The following ZNF114 variants were observed in gnomAD, a reference collection of about 807,000 sequenced individuals.
The protein encoded by ZNF114 is zinc finger protein 114 (Y18).
A neutral mutation model predicts 6.8 loss-of-function variants in ZNF114; 8 were observed. The observed-to-expected ratio is 1.18, with a 90% confidence interval of 0.69 to 2.13. ZNF114 has a LOEUF of 2.13. ZNF114 is among the 30% of genes most tolerant of loss of function. ZNF114 has a pLI of 0.00. For synonymous variants in ZNF114, 169 were observed against 185.5 expected (o/e 0.91, Z 0.72); for missense variants, 472 against 519.5 (o/e 0.91, Z 0.89).
chr19:48,282,804 C>G (rs1187509979), intron 5 of ZNF114, among the ~76,000 whole-genome samples: 2 of 152,092 alleles, frequency 1.3e-5, no homozygotes, highest in South Asian at 2.1e-4. Context: ...CTTCCACCCC[C>G]CAGGTTCATG....
At position 48,281,319 on chromosome 19, in the gene ZNF114, G is replaced by A. The variant is rs1232063195; in HGVS notation, c.10-1052G>A. On this transcript the variant is annotated intron_variant, in intron 4 of 5. Transcript: ENST00000595607. ...GCTGGAAGTCCGAGATCAAAATAGCGGCAGAGTTGCTTCCTTCTGGAGGCT... is the reference window on the plus strand; with the variant it reads ...GCTGGAAGTCCGAGATCAAAATAGCAGCAGAGTTGCTTCCTTCTGGAGGCT... Among the ~76,000 whole-genome samples the A allele has an allele frequency of 5.3e-5, 8 of 151,930 alleles. No homozygotes were observed. The East Asian group carries it at 1.5e-3, about 29-fold the overall frequency.
intron 4 of ZNF114, chr19:48,282,032 A>C (rs1010314109): frequency 9.1e-6 from 2 of 219,920 alleles, no homozygotes; most frequent in African/African-American, 2.4e-5. Context: ...AGTAGCTGGG[A>C]CTAAAGGCAC....
intron 3 of ZNF114, among the ~76,000 whole-genome samples, chr19:48,275,333 C>G (rs1020963704): frequency 6.6e-6 from 1 of 151,472 alleles, no homozygotes; most frequent in Non-Finnish European, 1.5e-5. Flanking sequence ...AATCCCAGCA[C>G]TTTGGGAGGC....
chr19:48,277,541 T>G (rs781375074), intron 3 of ZNF114, among the ~76,000 whole-genome samples: 2 of 152,136 alleles, frequency 1.3e-5, no homozygotes, highest in Non-Finnish European at 1.5e-5. Flanking sequence ...GCAGGTATTT[T>G]TAGTGTTCAG....
intron 3 of ZNF114, among the ~76,000 whole-genome samples, chr19:48,272,589 G>A (rs1230797152): frequency 1.4e-5 from 2 of 138,862 alleles, no homozygotes; most frequent in Admixed American, 7.6e-5. Flanking sequence ...CAGGAGAATC[G>A]CTTCTACCTG....
At chr19:48,276,263 G>T (rs975892646) in intron 3 of ZNF114, among the ~76,000 whole-genome samples, 1 of 151,588 alleles carries the variant, frequency 6.6e-6, no homozygotes, top group Non-Finnish European at 1.5e-5. Context: ...ATTTTTAGTA[G>T]AGACGGGGTT....
intron 4 of ZNF114, among the ~76,000 whole-genome samples, chr19:48,280,333 G>A (rs544200994): frequency 2.0e-5 from 3 of 152,144 alleles, no homozygotes; most frequent in East Asian, 1.9e-4. Flanking sequence ...ACAATGAGGA[G>A]TGATCACTCC....
chr19:48,281,914 T>G (rs1421785460), intron 4 of ZNF114, among the ~76,000 whole-genome samples: 1 of 144,246 alleles, frequency 6.9e-6, no homozygotes, highest in Non-Finnish European at 1.5e-5. Flanking sequence ...TTTTTTTTTT[T>G]TTGAGACAGT....
At chr19:48,285,698 C>T in intron 5 of ZNF114, 63 bp from the exon 6 acceptor site, 1 of 1,519,060 alleles carries the variant, frequency 6.6e-7, no homozygotes, top group Non-Finnish European at 8.8e-7. Context: ...TTGCCTATGT[C>T]ATCATCTCTA....
rs747700741 is a variant in ZNF114 at position 48,286,289 on chromosome 19, A to T, written c.665A>T (p.Gln222Leu). 1 of 1,614,238 alleles carries T rather than the reference A, an allele frequency of 6.2e-7. No individual in the cohort carries two copies. Among genetic ancestry groups the T allele is most frequent in the Non-Finnish European group, 8.5e-7 (1 of 1,180,042 alleles). The change falls in exon 6 of 6, where the codon CAG becomes CTG. Residue 222 changes from glutamine to leucine, a missense_variant. Transcript: ENST00000595607. Reference sequence around the variant, plus strand: ...ATTGATACGGGGGCCAACAGGCACCAGCGGAATCCATTTGGAAAAGCTTTC... The same window carrying T: ...ATTGATACGGGGGCCAACAGGCACCTGCGGAATCCATTTGGAAAAGCTTTC... ...DEIDTGANRH[Q>L]RNPFGKAFRE... is the part of the protein sequence containing the mutation.
intron 3 of ZNF114, among the ~76,000 whole-genome samples, chr19:48,276,896 C>T (rs940697970): frequency 7.2e-5 from 11 of 152,168 alleles, no homozygotes; most frequent in Non-Finnish European, 7.4e-5. Context: ...TGGTGGCTCA[C>T]GCCTGTAATC....
chr19:48,270,090 CTT>C lies in ZNF114; in HGVS notation c.-503_-502del, dbSNP rs1335556712. On this transcript the variant is annotated 5_prime_UTR_variant, in exon 1 of 6. Coordinates refer to ENST00000595607, the MANE Select transcript of ZNF114 (RefSeq NM_153608.4). ...TCTCCTATCTCCCTTCGCTGACTCT[CTT>C]TTCCAACTCAGCCCACTTGCACCCA... 6.5e-6 allele frequency: 1 copy of C among 152,902 alleles called. No homozygotes were observed. Among genetic ancestry groups the C allele is most frequent in the African/African-American group, 2.4e-5 (1 of 41,440 alleles). The allele number at this position is 152,902 out of a possible 1,614,324, so 9.5% of individuals were successfully genotyped here. A position where few individuals can be genotyped will look rare whatever the true frequency, so the allele number is the denominator to read the frequency against.
In ZNF114 at chr19:48,286,758, T is replaced by TATAA. The variant is rs1299375448; in HGVS notation, c.1135_1138dup (p.Arg380AsnfsTer11). On this transcript the variant is annotated frameshift_variant, in exon 6 of 6. Transcript: ENST00000595607. LOFTEE classifies it low-confidence loss of function (END_TRUNC). The stretch of plus-strand genomic sequence containing the variant: ...TTCGGGAGTCCTCAAAATATACACA[T>TATAA]ATAAGGAGCCACACTGGAGAGAAAC... 1 of 1,613,614 alleles carries TATAA rather than the reference T, an allele frequency of 6.2e-7. No individual in the cohort carries two copies. Among genetic ancestry groups the TATAA allele is most frequent in the Non-Finnish European group, 8.5e-7 (1 of 1,179,976 alleles).
At chr19:48,280,030 C>T (rs1284520106) in intron 4 of ZNF114, among the ~76,000 whole-genome samples, 1 of 152,130 alleles carries the variant, frequency 6.6e-6, no homozygotes, top group Non-Finnish European at 1.5e-5. Context: ...CTTTCCACAC[C>T]TCATCCTGGC....
intron 4 of ZNF114, among the ~76,000 whole-genome samples, chr19:48,280,883 TA>T (rs1298764265): frequency 5.9e-5 from 9 of 152,098 alleles, no homozygotes; most frequent in Admixed American, 5.9e-4. Flanking sequence ...CCCTCTGTGA[TA>T]GTTTGTTATA....
rs371355683 is a variant in ZNF114, at chr19:48,286,915, G to A, written c.*37G>A. ...AAAATTTTTCATTAATTTTCTGACT[G>A]TACCAAACATGTGAGGAGGACATAT... On this transcript the variant is annotated 3_prime_UTR_variant, in exon 6 of 6. Transcript: ENST00000595607. 11 of 1,529,200 alleles carry A rather than the reference G, an allele frequency of 7.2e-6. No homozygotes were observed. The highest frequency in any genetic ancestry group is 9.6e-6 in the Non-Finnish European group (11 of 1,145,298). 94.7% of individuals were successfully genotyped at this position (1,529,200 alleles called of 1,614,324 possible).
chr19:48,273,054 C>G (rs1967719614), intron 3 of ZNF114, among the ~76,000 whole-genome samples: 1 of 152,160 alleles, frequency 6.6e-6, no homozygotes, highest in African/African-American at 2.4e-5. Context: ...CTCGGCCTCC[C>G]AAAGGGCTGG....
At chr19:48,275,457 C>CACACACACACACACACACAA (rs1181746572) in intron 3 of ZNF114, among the ~76,000 whole-genome samples, 36 of 144,674 alleles carry the variant, frequency 2.5e-4, no homozygotes, top group African/African-American at 9.1e-4. Context: ...CACACACACA[C>CACACACACACACACACACAA]AAAATAGCCA....
At chr19:48,273,757 C>CTTTTT (rs779316334) in intron 3 of ZNF114, among the ~76,000 whole-genome samples, 1 of 127,130 alleles carries the variant, frequency 7.9e-6, no homozygotes, top group Admixed American at 8.3e-5. Context: ...TGGGGCTTTT[C>CTTTTT]TTTTTTTTTT....
Sources: allele counts gnomAD v4.1 joint callset (sites outside exome capture counted in the v4.1 genomes callset), GRCh38; gene constraint gnomAD v4.1.1; transcripts MANE v1.5; gene names NCBI Gene and HGNC (gene_info 2026-07-23, HGNC 2026-07-21).